The following ATP1A4 variants were observed in gnomAD, a reference collection of about 807,000 sequenced individuals.
ATP1A4 encodes ATPase Na+/K+ transporting subunit alpha 4.
A neutral mutation model predicts 114.3 loss-of-function variants in ATP1A4; 90 were observed. That is an observed-to-expected ratio of 0.79 (90% CI 0.66 to 0.94). The LOEUF (loss-of-function observed/expected upper bound fraction) is 0.94, where lower values mean the gene tolerates loss of function less well. Among genes scored for constraint, ATP1A4 ranks in the 40% least tolerant of loss-of-function variants. The pLI is 0.00. For synonymous variants in ATP1A4, 511 were observed against 494.1 expected (o/e 1.03, Z -0.45); for missense variants, 1,222 against 1,313.6 (o/e 0.93, Z 1.08).
intron 6 of ATP1A4, among the ~76,000 whole-genome samples, chr1:160,162,423 T>C (rs1652894215): frequency 6.6e-6 from 1 of 152,142 alleles, no homozygotes; most frequent in African/African-American, 2.4e-5. Context: ...AAGAGGGACC[T>C]CATAAGCACA....
intron 4 of ATP1A4, among the ~76,000 whole-genome samples, chr1:160,157,513 T>G (rs1370100372): frequency 1.3e-5 from 2 of 152,254 alleles, no homozygotes; most frequent in African/African-American, 4.8e-5. Context: ...CGTTAAAGGA[T>G]GTATTGGGTC....
chr1:160,186,514 T>C, intron 21 of ATP1A4, 147 bp downstream of exon 21: 2 of 1,057,148 alleles, frequency 1.9e-6, no homozygotes, highest in Non-Finnish European at 2.8e-6. Flanking sequence ...GAGACCTCTC[T>C]ACCCCTTGGC....
Position 160,155,009 on chromosome 1 carries a change from C to T in ATP1A4, c.208-36C>T, listed in dbSNP as rs201065999. 2.5e-6 allele frequency: 4 copies of T among 1,597,048 alleles called. No homozygotes were observed. In the African/African-American group the frequency reaches 5.4e-5, roughly 21 times the overall value. ...TTTGCTATGGCTGTTCCTCTTTTCA[C>T]AGCTCTCTATCCAACCCTATTTCTT... On this transcript the variant is annotated intron_variant, in intron 2 of 21. Transcript: ENST00000368081.
At chr1:160,184,949 C>T (rs1653827568) in intron 20 of ATP1A4, among the ~76,000 whole-genome samples, 2 of 152,148 alleles carry the variant, frequency 1.3e-5, no homozygotes, top group South Asian at 4.1e-4. Context: ...CAGATAGACC[C>T]CTCCTGCTCA....
At chr1:160,159,557 C>T (rs377256198) in intron 6 of ATP1A4, 31 bp downstream of exon 6, 2 of 1,550,726 alleles carry the variant, frequency 1.3e-6, no homozygotes, top group Non-Finnish European at 1.8e-6. Context: ...AGCATAGATT[C>T]AAAAGCAGGC....
intron 21 of ATP1A4, 102 bp downstream of exon 21, chr1:160,186,469 C>T (rs1264381081): frequency 9.0e-7 from 1 of 1,113,794 alleles, no homozygotes; most frequent in Non-Finnish European, 1.3e-6. Flanking sequence ...GACTTTCTCC[C>T]CTCCTCGCTG....
intron 20 of ATP1A4, among the ~76,000 whole-genome samples, chr1:160,185,867 C>A (rs1225180760): frequency 3.4e-5 from 5 of 148,338 alleles, no homozygotes; most frequent in Non-Finnish European, 7.4e-5. Context: ...TGCAGTGAGC[C>A]GAGATCAAGC....
chr1:160,176,621 G>A lies in ATP1A4; in HGVS notation c.2590+19G>A. ...CAGATTGGTGCGCCCAGAGGAATGA[G>A]GGGTGGAGGGAGCAGGGAGTGGTTT... On this transcript the variant is annotated intron_variant, in intron 17 of 21. Coordinates refer to ENST00000368081, the MANE Select transcript of ATP1A4 (RefSeq NM_144699.4). 1.2e-6 allele frequency: 2 copies of A among 1,610,564 alleles called. No homozygotes were observed. Among genetic ancestry groups the A allele is most frequent in the Non-Finnish European group, 1.7e-6 (2 of 1,177,340 alleles).
intron 15 of ATP1A4, 74 bp from the exon 16 acceptor site, chr1:160,176,018 G>C: frequency 1.1e-5 from 16 of 1,507,412 alleles, no homozygotes; most frequent in Non-Finnish European, 1.5e-5. Flanking sequence ...GAGGTGGCCT[G>C]TCTGTCCCGG....
intron 16 of ATP1A4, 22 bp from the exon 17 acceptor site, chr1:160,176,457 A>G: frequency 6.2e-7 from 1 of 1,614,052 alleles, no homozygotes; most frequent in Non-Finnish European, 8.5e-7. Flanking sequence ...GACCCCTGTC[A>G]TCCCCACCCT....
intron 10 of ATP1A4, among the ~76,000 whole-genome samples, chr1:160,167,791 A>G (rs1030851252): frequency 6.6e-6 from 1 of 152,206 alleles, no homozygotes; most frequent in Non-Finnish European, 1.5e-5. Context: ...CCGCTGCAGT[A>G]TTAGGTTGCA....
At chr1:160,180,508 A>G (rs1488559099) in intron 18 of ATP1A4, among the ~76,000 whole-genome samples, 3 of 152,038 alleles carry the variant, frequency 2.0e-5, no homozygotes, top group African/African-American at 7.3e-5. Context: ...GGTTAGCATA[A>G]TTATTTTCCC....
intron 17 of ATP1A4, 146 bp from the exon 18 acceptor site, chr1:160,177,373 C>G: frequency 1.4e-6 from 1 of 734,454 alleles, no homozygotes; most frequent in South Asian, 2.0e-5. Context: ...GCTTAGGCAG[C>G]TGATGGCAAG....
At chr1:160,164,053 A>G (rs1180697732) in intron 6 of ATP1A4, 103 bp from the exon 7 acceptor site, 8 of 1,425,370 alleles carry the variant, frequency 5.6e-6, no homozygotes, top group African/African-American at 1.4e-5. Flanking sequence ...CCTATCTTTA[A>G]GGGTTTTTAG....
chr1:160,169,507 CTT>C (rs757288834), intron 10 of ATP1A4, among the ~76,000 whole-genome samples: 4 of 152,200 alleles, frequency 2.6e-5, no homozygotes, highest in Non-Finnish European at 4.4e-5. Flanking sequence ...GGTTCTTCCT[CTT>C]AATTGCTTAA....
At chr1:160,156,225 G>A in intron 4 of ATP1A4, 67 bp downstream of exon 4, 1 of 1,127,934 alleles carries the variant, frequency 8.9e-7, no homozygotes, top group Non-Finnish European at 1.3e-6. Flanking sequence ...CAATGATGAA[G>A]TCCCGTGGAA....
At chr1:160,166,769 G>T (rs1010718264) in intron 8 of ATP1A4, 43 bp downstream of exon 8, 1 of 1,611,534 alleles carries the variant, frequency 6.2e-7, no homozygotes, top group East Asian at 2.2e-5. Context: ...GGGATTTGGG[G>T]GATGTGATGA....
At chr1:160,152,480 A>AGT (rs535902418) in intron 1 of ATP1A4, among the ~76,000 whole-genome samples, 93 of 152,212 alleles carry the variant, frequency 6.1e-4, no homozygotes, top group African/African-American at 2.2e-3. Context: ...GGATGGGAGG[A>AGT]GTCTGGGCTG....
intron 17 of ATP1A4, chr1:160,177,298 G>T: frequency 2.0e-6 from 1 of 507,664 alleles, no homozygotes; most frequent in Non-Finnish European, 3.5e-6. Context: ...AGCTGACTCT[G>T]GGTCAGAGTT....
Sources: gnomAD v4.1 joint callset for allele counts (sites outside exome capture counted in the v4.1 genomes callset) on GRCh38, gnomAD v4.1.1 for gene constraint, MANE v1.5 for transcripts, NCBI Gene and HGNC (gene_info 2026-07-23, HGNC 2026-07-21) for gene names.